The following CHL1 variants were observed in gnomAD, a reference collection of about 807,000 sequenced individuals.
The protein encoded by CHL1 is neural cell adhesion molecule L1-like protein.
A neutral mutation model predicts 141.9 loss-of-function variants in CHL1; 96 were observed. The ratio of observed to expected loss-of-function variants is 0.68; its 90% CI spans 0.57 to 0.80. CHL1 has a LOEUF of 0.80. Among genes scored for constraint, CHL1 ranks in the 30% least tolerant of loss-of-function variants. The pLI, the probability that CHL1 is intolerant of heterozygous loss-of-function variation, is 0.00. For missense variants in CHL1, 1,820 were observed against 1,457.2 expected, an observed-to-expected ratio of 1.25 and a Z score of -4.05; for synonymous variants, 613 against 502.2, an observed-to-expected ratio of 1.22 and a Z score of -2.95.
intron 2 of CHL1, among the ~76,000 whole-genome samples, chr3:276,660 G>T (rs162728): frequency 0.14 from 21,943 of 151,818 alleles, 2,301 homozygotes; most frequent in African/African-American, 0.29. Flanking sequence ...GAGGCCGAGG[G>T]GGGCGGATCA....
chr3:342,959 T>G (rs1309347892), intron 7 of CHL1, 25 bp from the exon 8 acceptor site: 16 of 1,589,108 alleles, frequency 1.0e-5, no homozygotes, highest in Non-Finnish European at 1.4e-5. Flanking sequence ...TGTTTGTGTT[T>G]TTTCCTTCCG....
chr3:233,493 T>TA (rs1359630060), intron 1 of CHL1, among the ~76,000 whole-genome samples: 4 of 152,126 alleles, frequency 2.6e-5, no homozygotes, highest in South Asian at 2.1e-4. Context: ...TATTTTGATG[T>TA]AAAAAAATGT....
In CHL1 at chr3:345,712, G is replaced by T. The variant is rs149208603; in HGVS notation, c.848+1003G>T. ...GTTAGCCAGGAAGGTCTCGATCTCC[G>T]GACCCTGTGATCCACCTGAGTTGGC... On this transcript the variant is annotated intron_variant, in intron 9 of 27. Coordinates refer to ENST00000256509, the MANE Select transcript of CHL1 (RefSeq NM_006614.4). 3.8e-3 allele frequency among the ~76,000 whole-genome samples: 582 copies of T among 152,022 alleles called. 5 individuals are homozygous for T. Among genetic ancestry groups the T allele is most frequent in the African/African-American group, 0.013 (521 of 41,492 alleles).
intron 1 of CHL1, among the ~76,000 whole-genome samples, chr3:228,136 T>G (rs1180677693): frequency 1.3e-5 from 2 of 152,220 alleles, no homozygotes; most frequent in Non-Finnish European, 2.9e-5. Flanking sequence ...ACTCAGAAGT[T>G]AAAACCAAAG....
At chr3:335,123 A>G (rs1057381291) in intron 5 of CHL1, among the ~76,000 whole-genome samples, 2 of 152,234 alleles carry the variant, frequency 1.3e-5, no homozygotes, top group Non-Finnish European at 2.9e-5. Flanking sequence ...TTTCCTTAAG[A>G]TAAACCCTGG....
chr3:373,806 C>T (rs956866513), intron 15 of CHL1: 3 of 152,396 alleles, frequency 2.0e-5, no homozygotes, highest in East Asian at 1.9e-4. Context: ...CTGGGTAGCA[C>T]ATTCACTCAC....
At position 401,634 on chromosome 3, in the gene CHL1, A is replaced by C; in HGVS notation, c.3394A>C (p.Lys1132Gln). Residue 1132 changes from lysine to glutamine, a missense_variant, in exon 27 of 28, where the codon AAG becomes CAG. Physicochemically the swap from Lys to Gln is moderately conservative, Grantham distance 53. Transcript: ENST00000256509. Reference protein sequence around the residue: ...NRGGKYSVKEKEDLHPDPEIQ... With the variant: ...NRGGKYSVKEQEDLHPDPEIQ... ...TTTTTTCTCTTTTTTAGTTAAAGAA[A>C]AGGAAGATTTGCATCCAGACCCAGA... The C allele has an allele frequency of 6.3e-7, 1 of 1,588,050 alleles. No homozygotes were observed. The highest frequency in any genetic ancestry group is 8.6e-7 in the Non-Finnish European group (1 of 1,164,972).
chr3:339,224 G>T (rs77466753), intron 5 of CHL1, among the ~76,000 whole-genome samples: 2,080 of 152,222 alleles, frequency 0.014, 49 homozygotes, highest in African/African-American at 0.048. Flanking sequence ...GTACATAAAC[G>T]TTTTGTATAT....
intron 1 of CHL1, among the ~76,000 whole-genome samples, chr3:216,497 C>T (rs1700332481): frequency 6.6e-6 from 1 of 152,148 alleles, no homozygotes; most frequent in Admixed American, 6.6e-5. Flanking sequence ...GAATGAAAGA[C>T]TAGCCTTTGA....
intron 2 of CHL1, among the ~76,000 whole-genome samples, chr3:258,847 C>T (rs1268075058): frequency 1.3e-5 from 2 of 150,100 alleles, no homozygotes; most frequent in African/African-American, 4.9e-5. Flanking sequence ...AATTTCATCA[C>T]ATTGTTATTA....
chr3:357,366 A>G (rs1160726023), intron 11 of CHL1, among the ~76,000 whole-genome samples: 2 of 152,196 alleles, frequency 1.3e-5, no homozygotes, highest in African/African-American at 4.8e-5. Context: ...AATCAAAATG[A>G]TTGCTATTAT....
In CHL1 at chr3:221,782, A is replaced by G. The variant is rs1401708026; in HGVS notation, c.-174-22831A>G. Reference sequence around the variant, plus strand: ...TAAATCATTAATTTAGTATTAAGTTAACAAGAACATAGATGCTACACCTAA... The same window carrying G: ...TAAATCATTAATTTAGTATTAAGTTGACAAGAACATAGATGCTACACCTAA... On this transcript the variant is annotated intron_variant, in intron 1 of 27. Coordinates refer to ENST00000256509, the MANE Select transcript of CHL1 (RefSeq NM_006614.4). 3.3e-5 allele frequency among the ~76,000 whole-genome samples: 5 copies of G among 152,250 alleles called. No homozygotes were observed. In the East Asian group the frequency reaches 7.7e-4, roughly 23 times the overall value.
intron 1 of CHL1, among the ~76,000 whole-genome samples, chr3:244,174 C>A (rs1047927437): frequency 1.3e-5 from 2 of 152,148 alleles, no homozygotes; most frequent in African/African-American, 4.8e-5. Context: ...TGCTTCCTGA[C>A]GAAGCTCTCC....
intron 1 of CHL1, among the ~76,000 whole-genome samples, chr3:229,454 G>C (rs951717505): frequency 6.6e-6 from 1 of 152,258 alleles, no homozygotes; most frequent in East Asian, 1.9e-4. Flanking sequence ...TGAATAATCA[G>C]TGCAGGCAAC....
Position 383,831 on chromosome 3 carries a change from CA to C in CHL1, c.2193del (p.Gln732LysfsTer3). On this transcript the variant is annotated frameshift_variant, in exon 19 of 28. Coordinates refer to ENST00000256509, the MANE Select transcript of CHL1 (RefSeq NM_006614.4). LOFTEE classifies it high-confidence loss of function. ...ETPPAAPDRNPQNIRVQASQP... is the reference protein window; with the variant it reads ...ETPPAAPDRNXQNIRVQASQP... ...AATTTTTCAGCTCCAGATAGGAATC[CA>C]CAAAACATAAGGGTTCAAGCCTCTC... 6.2e-7 allele frequency: 1 copy of C among 1,609,306 alleles called. No homozygotes were observed. Among genetic ancestry groups the C allele is most frequent in the Non-Finnish European group, 8.5e-7 (1 of 1,177,396 alleles).
rs1467874746 is a variant in CHL1 at position 363,335 on chromosome 3, G to C, written c.1537G>C (p.Glu513Gln). 6.2e-7 allele frequency: 1 copy of C among 1,613,244 alleles called. No individual in the cohort carries two copies. The highest frequency in any genetic ancestry group is 1.7e-5 in the Admixed American group (1 of 59,808). Reference sequence around the variant, plus strand: ...TGCTGGGTCTTACTCATGTTGGGTAGAAAATGCTATAGGAAAAACTGCAGT... The same window carrying C: ...TGCTGGGTCTTACTCATGTTGGGTACAAAATGCTATAGGAAAAACTGCAGT... ...EDAGSYSCWVENAIGKTAVTA... is the reference protein window; with the variant it reads ...EDAGSYSCWVQNAIGKTAVTA... Residue 513 changes from glutamate to glutamine, a missense_variant, in exon 14 of 28, where the codon GAA (glutamate) becomes CAA (glutamine). Coordinates refer to ENST00000256509, the MANE Select transcript of CHL1 (RefSeq NM_006614.4).
intron 1 of CHL1, among the ~76,000 whole-genome samples, chr3:216,316 T>C (rs1700315641): frequency 6.6e-6 from 1 of 152,246 alleles, no homozygotes; most frequent in African/African-American, 2.4e-5. Context: ...TATAGTTTTC[T>C]CTTTCCTTTT....
At chr3:351,229 G>A (rs1163749004) in intron 10 of CHL1, among the ~76,000 whole-genome samples, 2 of 152,196 alleles carry the variant, frequency 1.3e-5, no homozygotes, top group Non-Finnish European at 2.9e-5. Context: ...TTAAAATGTT[G>A]ACTATAGGAC....
Position 219,261 on chromosome 3 carries a change from G to T in CHL1, c.-175+22198G>T, listed in dbSNP as rs1700610004. 2.0e-5 allele frequency among the ~76,000 whole-genome samples: 3 copies of T among 152,162 alleles called. No homozygotes were observed. The South Asian group carries it at 6.2e-4, about 32-fold the overall frequency. On this transcript the variant is annotated intron_variant, in intron 1 of 27. Transcript: ENST00000256509. ...TAGGTCAACCGTTGTAGAAGACAGTGTGGTGACTCCTCAAAGACCTGAAGA... is the reference window on the plus strand; with the variant it reads ...TAGGTCAACCGTTGTAGAAGACAGTTTGGTGACTCCTCAAAGACCTGAAGA...
Sources: gnomAD v4.1 joint callset for allele counts (sites outside exome capture counted in the v4.1 genomes callset) on GRCh38, gnomAD v4.1.1 for gene constraint, MANE v1.5 for transcripts, NCBI Gene and HGNC (gene_info 2026-07-23, HGNC 2026-07-21) for gene names.